GABRG3: variants seen among roughly 807,000 people sequenced by gnomAD.
GABRG3 encodes gamma-aminobutyric acid type A receptor subunit gamma3.
Under a neutral mutation model 48.8 loss-of-function variants are expected in GABRG3, and 25 were observed. The ratio of observed to expected loss-of-function variants is 0.51; its 90% CI spans 0.37 to 0.72. The LOEUF is 0.72. Among genes scored for constraint, GABRG3 ranks in the 30% least tolerant of loss-of-function variants. GABRG3 has a pLI of 0.00. For synonymous variants in GABRG3, 227 were observed against 217.6 expected, an observed-to-expected ratio of 1.04 and a Z score of -0.38; for missense variants, 394 against 577.9, an observed-to-expected ratio of 0.68 and a Z score of 3.26.
At chr15:27,297,804 T>C (rs142905086) in intron 3 of GABRG3, among the ~76,000 whole-genome samples, 1 of 152,296 alleles carries the variant, frequency 6.6e-6, no homozygotes, top group African/African-American at 2.4e-5. Context: ...TTGTAACATA[T>C]GTAAGTTTTA....
At chr15:27,323,049 G>A (rs552335959) in intron 3 of GABRG3, among the ~76,000 whole-genome samples, 1 of 152,230 alleles carries the variant, frequency 6.6e-6, no homozygotes, top group Admixed American at 6.5e-5. Flanking sequence ...GCTTTATGGG[G>A]AAGGGGCACA....
chr15:27,397,147 A>G (rs1887325681), intron 5 of GABRG3, among the ~76,000 whole-genome samples: 1 of 152,210 alleles, frequency 6.6e-6, no homozygotes. Context: ...CAACAAATGA[A>G]TCTGACTGTA....
intron 5 of GABRG3, among the ~76,000 whole-genome samples, chr15:27,329,507 C>T (rs1402086748): frequency 2.0e-5 from 3 of 152,130 alleles, no homozygotes; most frequent in East Asian, 1.9e-4. Flanking sequence ...TCAGGTGATC[C>T]ACCCACCTCG....
intron 5 of GABRG3, among the ~76,000 whole-genome samples, chr15:27,332,072 G>A (rs1178083863): frequency 6.6e-6 from 1 of 152,196 alleles, no homozygotes; most frequent in African/African-American, 2.4e-5. Flanking sequence ...TCATAAATGA[G>A]AATAATAACA....
intron 3 of GABRG3, among the ~76,000 whole-genome samples, chr15:27,153,451 T>G (rs967992955): frequency 9.9e-5 from 15 of 152,234 alleles, no homozygotes; most frequent in Non-Finnish European, 2.9e-5. Context: ...CTCTTCTTTT[T>G]CAGCATTGTT....
intron 3 of GABRG3, among the ~76,000 whole-genome samples, chr15:27,241,540 C>T (rs1367213180): frequency 6.6e-6 from 1 of 152,230 alleles, no homozygotes; most frequent in African/African-American, 2.4e-5. Flanking sequence ...TCAGCACACG[C>T]TCACATTTAG....
chr15:27,096,113 A>T (rs1454088491), intron 3 of GABRG3, among the ~76,000 whole-genome samples: 2 of 152,220 alleles, frequency 1.3e-5, no homozygotes. Context: ...CTAACTCATG[A>T]CAAATTGTTC....
In GABRG3 at chr15:27,061,815, G is replaced by A. The variant is rs74006570; in HGVS notation, c.270+34994G>A. ...GCCAGATGGATTTTAAAGGGTATCC[G>A]GGCCTGGTGGAAGCCTCAGCACCCC... On this transcript the variant is annotated intron_variant, in intron 3 of 9. Transcript: ENST00000615808. Among the ~76,000 whole-genome samples, 441 of 152,160 alleles carry A rather than the reference G, an allele frequency of 2.9e-3. 2 individuals carry two copies. Among genetic ancestry groups the A allele is most frequent in the African/African-American group, 0.01 (422 of 41,520 alleles).
At chr15:27,152,964 C>T (rs963768401) in intron 3 of GABRG3, among the ~76,000 whole-genome samples, 2 of 151,842 alleles carry the variant, frequency 1.3e-5, no homozygotes, top group African/African-American at 4.8e-5. Context: ...GGGTTCACGC[C>T]GTTCTCCTGC....
chr15:27,461,891 C>T (rs187968442), intron 5 of GABRG3, among the ~76,000 whole-genome samples: 111 of 152,210 alleles, frequency 7.3e-4, no homozygotes, highest in African/African-American at 2.1e-3. Flanking sequence ...CTGGATGTTT[C>T]GATACATGTG....
intron 3 of GABRG3, among the ~76,000 whole-genome samples, chr15:27,314,427 G>C (rs777869172): frequency 1.3e-5 from 2 of 152,206 alleles, no homozygotes; most frequent in Non-Finnish European, 2.9e-5. Flanking sequence ...GGTTGGCAAG[G>C]ATGTGGAGAA....
At chr15:27,018,094 A>G (rs1361044239) in intron 2 of GABRG3, among the ~76,000 whole-genome samples, 1 of 152,238 alleles carries the variant, frequency 6.6e-6, no homozygotes, top group Non-Finnish European at 1.5e-5. Flanking sequence ...TTCCTGTTAT[A>G]ACGAACAGAA....
chr15:27,098,984 A>G (rs1897311571), intron 3 of GABRG3, among the ~76,000 whole-genome samples: 2 of 152,152 alleles, frequency 1.3e-5, no homozygotes, highest in South Asian at 4.1e-4. Context: ...AGTTAGCCCC[A>G]GTCCCGTAAT....
intron 5 of GABRG3, chr15:27,364,689 C>T (rs1310768106): frequency 6.6e-6 from 1 of 152,070 alleles, no homozygotes; most frequent in Admixed American, 6.6e-5. Context: ...TGTCAGCTTT[C>T]CTGGAGTAGG....
At chr15:27,131,649 A>G (rs1348483606) in intron 3 of GABRG3, among the ~76,000 whole-genome samples, 1 of 151,900 alleles carries the variant, frequency 6.6e-6, no homozygotes, top group African/African-American at 2.4e-5. Flanking sequence ...TTTATTTTTG[A>G]TGGACATGTA....
In GABRG3 at chr15:27,179,497, T is replaced by C. The variant is rs1385235343; in HGVS notation, c.271-147312T>C. Among the ~76,000 whole-genome samples the C allele has an allele frequency of 1.3e-5, 2 of 152,224 alleles. No homozygotes were observed. Among genetic ancestry groups the C allele is most frequent in the Admixed American group, 1.3e-4 (2 of 15,272 alleles). ...TGATACAATTTCGCTGGCTTTATGC[T>C]TGGTCTGGCTCTGAGAAATTTATCA... On this transcript the variant is annotated intron_variant, in intron 3 of 9. Coordinates refer to ENST00000615808, the MANE Select transcript of GABRG3 (RefSeq NM_033223.5). The surrounding 1 kb of genome is among the most constrained non-coding windows in gnomAD (Gnocchi z 4.0).
At chr15:27,276,487 G>A (rs1373573756) in intron 3 of GABRG3, among the ~76,000 whole-genome samples, 2 of 152,158 alleles carry the variant, frequency 1.3e-5, no homozygotes, top group Non-Finnish European at 2.9e-5. Flanking sequence ...ATATTTCATG[G>A]ATTAAATGAG....
intron 3 of GABRG3, among the ~76,000 whole-genome samples, chr15:27,224,412 A>C (rs1889546979): frequency 6.6e-6 from 1 of 152,112 alleles, no homozygotes; most frequent in Non-Finnish European, 1.5e-5. Context: ...AATAATGTCT[A>C]ATGCTACCTG....
At chr15:27,043,060 A>G (rs1176441752) in intron 3 of GABRG3, among the ~76,000 whole-genome samples, 1 of 152,096 alleles carries the variant, frequency 6.6e-6, no homozygotes, top group Non-Finnish European at 1.5e-5. Context: ...ATATGAACCT[A>G]ACTTGCTCGT....
Sources: allele counts gnomAD v4.1 joint callset (sites outside exome capture counted in the v4.1 genomes callset), GRCh38; gene constraint gnomAD v4.1.1; non-coding constraint Gnocchi (gnomAD v3.1); transcripts MANE v1.5; gene names NCBI Gene and HGNC (gene_info 2026-07-23, HGNC 2026-07-21).